SOCS5: variants seen among roughly 807,000 people sequenced by gnomAD.
SOCS5 encodes the protein suppressor of cytokine signaling 5.
SOCS5 carries 32 observed loss-of-function variants against 42.8 expected under a neutral mutation model. The ratio of observed to expected loss-of-function variants is 0.75; its 90% CI spans 0.56 to 1.01. The LOEUF (loss-of-function observed/expected upper bound fraction) is 1.01, where lower values mean the gene tolerates loss of function less well. Among genes scored for constraint, SOCS5 ranks in the 50% least tolerant of loss-of-function variants. The pLI is 0.00. For synonymous variants in SOCS5, 283 were observed against 229.6 expected (o/e 1.23, Z -2.10); for missense variants, 627 against 653.0 (o/e 0.96, Z 0.43).
At chr2:46,716,367 A>ATTTTTTTTTT (rs35187667) in intron 1 of SOCS5, among the ~76,000 whole-genome samples, 8 of 17,042 alleles carry the variant, frequency 4.7e-4, no homozygotes, top group African/African-American at 7.0e-4. Flanking sequence ...GAGTGTCTTC[A>ATTTTTTTTTT]TTTTTTTTTT....
Position 46,760,209 on chromosome 2 carries a change from A to G in SOCS5, c.*68A>G. 8.7e-7 allele frequency: 1 copy of G among 1,147,240 alleles called. No individual in the cohort carries two copies. The highest frequency in any genetic ancestry group is 1.4e-5 in the South Asian group (1 of 69,102). The allele number at this position is 1,147,240 out of a possible 1,614,324, so 71.1% of individuals were successfully genotyped here. A position where few individuals can be genotyped will look rare whatever the true frequency, so the allele number is the denominator to read the frequency against. On this transcript the variant is annotated 3_prime_UTR_variant, in exon 2 of 2. Transcript: ENST00000394861. ...GTGCATCAGACAGTACACCTATAGCAAGCACACGTAGCAGTGTTAGGCTTT... is the reference window on the plus strand; with the variant it reads ...GTGCATCAGACAGTACACCTATAGCGAGCACACGTAGCAGTGTTAGGCTTT...
intron 1 of SOCS5, among the ~76,000 whole-genome samples, chr2:46,733,125 C>T (rs1050753510): frequency 6.6e-6 from 1 of 151,764 alleles, no homozygotes; most frequent in Admixed American, 6.6e-5. Context: ...GGCAGAGTCT[C>T]GTTTTATTGC....
intron 1 of SOCS5, among the ~76,000 whole-genome samples, chr2:46,740,540 T>G (rs1673348892): frequency 6.6e-6 from 1 of 151,904 alleles, no homozygotes; most frequent in Non-Finnish European, 1.5e-5. Flanking sequence ...AAGAGAGAGA[T>G]AGGAGGGGCC....
rs1673807013 is a variant in SOCS5, at chr2:46,759,375, C to T, written c.845C>T (p.Ala282Val). 6.2e-7 allele frequency: 1 copy of T among 1,613,798 alleles called. No individual in the cohort carries two copies. The highest frequency in any genetic ancestry group is 2.2e-5 in the East Asian group (1 of 44,896). The change falls in exon 2 of 2, where the codon GCA (alanine) becomes GTA (valine). Residue 282 changes from alanine to valine, a missense_variant. Around this residue, in one of 3 missense-constraint regions of SOCS5, gnomAD observed 340 missense variants for 367.6 expected, o/e 0.92. Transcript: ENST00000394861. The stretch of plus-strand genomic sequence containing the variant: ...GAAGGGGTTGATCCCCCTCCCAATG[C>T]ACAAATACATACATTTGAAGCTACT... ...IEEGVDPPPNAQIHTFEATAQ... is the reference protein window; with the variant it reads ...IEEGVDPPPNVQIHTFEATAQ...
At chr2:46,758,134 GA>G (rs947237497) in intron 1 of SOCS5, among the ~76,000 whole-genome samples, 3 of 152,190 alleles carry the variant, frequency 2.0e-5, no homozygotes, top group Non-Finnish European at 4.4e-5. Context: ...TACAACTTTT[GA>G]AAAGTTGAAT....
At chr2:46,723,066 A>G (rs1186784873) in intron 1 of SOCS5, among the ~76,000 whole-genome samples, 1 of 152,020 alleles carries the variant, frequency 6.6e-6, no homozygotes, top group Non-Finnish European at 1.5e-5. Flanking sequence ...ATCCTGTGTC[A>G]GATATGTCAT....
intron 1 of SOCS5, among the ~76,000 whole-genome samples, chr2:46,754,132 G>C (rs1001806347): frequency 6.6e-6 from 1 of 152,016 alleles, no homozygotes; most frequent in African/African-American, 2.4e-5. Flanking sequence ...GGTTGCTCTG[G>C]TTCAAACACC....
At chr2:46,758,442 G>A (rs924199913) in intron 1 of SOCS5, 77 bp from the exon 2 acceptor site, 6 of 933,614 alleles carry the variant, frequency 6.4e-6, no homozygotes, top group African/African-American at 3.3e-5. Context: ...ACGGGAAGGG[G>A]TGTGGGCACT....
chr2:46,728,829 T>C (rs1049036070), intron 1 of SOCS5, among the ~76,000 whole-genome samples: 2 of 152,192 alleles, frequency 1.3e-5, no homozygotes, highest in African/African-American at 4.8e-5. Flanking sequence ...AGTGCTGGGA[T>C]TATAGGCATG....
chr2:46,745,369 A>G (rs888913814), intron 1 of SOCS5, among the ~76,000 whole-genome samples: 1 of 152,196 alleles, frequency 6.6e-6, no homozygotes, highest in African/African-American at 2.4e-5. Flanking sequence ...CATTTCTTTG[A>G]TTACATATTT....
At chr2:46,751,781 G>A (rs1303867165) in intron 1 of SOCS5, among the ~76,000 whole-genome samples, 1 of 151,912 alleles carries the variant, frequency 6.6e-6, no homozygotes, top group African/African-American at 2.4e-5. Flanking sequence ...AATGTTTTAT[G>A]TAGTACATCA....
rs552537481 is a variant in SOCS5 at position 46,744,084 on chromosome 2, G to A, written c.-12-14435G>A. ...AGCTCACTGCAACCTCCCCCTCCTGGGTTCAAGCGATTCTCCTCCCTCAGC... is the reference window on the plus strand; with the variant it reads ...AGCTCACTGCAACCTCCCCCTCCTGAGTTCAAGCGATTCTCCTCCCTCAGC... On this transcript the variant is annotated intron_variant, in intron 1 of 1. Transcript: ENST00000394861. Among the ~76,000 whole-genome samples, 6 of 152,050 alleles carry A rather than the reference G, an allele frequency of 3.9e-5. No individual in the cohort carries two copies. The East Asian group carries it at 1.2e-3, about 29-fold the overall frequency.
intron 1 of SOCS5, among the ~76,000 whole-genome samples, chr2:46,718,473 A>T (rs927169779): frequency 6.6e-6 from 1 of 152,178 alleles, no homozygotes; most frequent in Non-Finnish European, 1.5e-5. Flanking sequence ...AAAAGGAAAA[A>T]TAACTCAATA....
At chr2:46,703,573 G>A (rs1354173830) in intron 1 of SOCS5, among the ~76,000 whole-genome samples, 1 of 152,200 alleles carries the variant, frequency 6.6e-6, no homozygotes, top group East Asian at 1.9e-4. Context: ...GGTTTTAGAA[G>A]GCATGTCATG....
In SOCS5 at chr2:46,760,222, A is replaced by AG. The variant is rs1176791631; in HGVS notation, c.*82dup. On this transcript the variant is annotated 3_prime_UTR_variant, in exon 2 of 2. Coordinates refer to ENST00000394861, the MANE Select transcript of SOCS5 (RefSeq NM_144949.3). ...TACACCTATAGCAAGCACACGTAGC[A>AG]GTGTTAGGCTTTTTCATACAGTATG... is the stretch of plus-strand genomic sequence containing the variant. 3 of 1,005,814 alleles carry AG rather than the reference A, an allele frequency of 3.0e-6. No homozygotes were observed. The African/African-American group carries it at 4.9e-5, about 17-fold the overall frequency. 62.3% of individuals were successfully genotyped at this position (1,005,814 alleles called of 1,614,324 possible).
At chr2:46,742,942 G>C (rs2103743652) in intron 1 of SOCS5, among the ~76,000 whole-genome samples, 1 of 152,238 alleles carries the variant, frequency 6.6e-6, no homozygotes, top group South Asian at 2.1e-4. Context: ...GGGATTACAG[G>C]CATGAGGTTC....
chr2:46,757,865 CA>C (rs527705668), intron 1 of SOCS5, among the ~76,000 whole-genome samples: 6 of 149,256 alleles, frequency 4.0e-5, no homozygotes, highest in Non-Finnish European at 7.4e-5. Flanking sequence ...GACTCCGTCT[CA>C]AAAAAAAAGA....
intron 1 of SOCS5, among the ~76,000 whole-genome samples, chr2:46,712,655 T>TA: frequency 6.6e-6 from 1 of 152,212 alleles, no homozygotes; most frequent in Non-Finnish European, 1.5e-5. Flanking sequence ...TCAGCTTTCT[T>TA]AAAAAATGAG....
chr2:46,751,004 T>G (rs770027871), intron 1 of SOCS5, among the ~76,000 whole-genome samples: 25 of 152,156 alleles, frequency 1.6e-4, no homozygotes, highest in Non-Finnish European at 3.5e-4. Flanking sequence ...CTTAGAATAA[T>G]TAATATACTG....
Sources: gnomAD v4.1 joint callset for allele counts (sites outside exome capture counted in the v4.1 genomes callset) on GRCh38, gnomAD v4.1.1 for gene constraint, gnomAD v4.1.1 regional missense constraint, MANE v1.5 for transcripts, NCBI Gene and HGNC (gene_info 2026-07-23, HGNC 2026-07-21) for gene names.